The following GOLGA3 variants were observed in gnomAD, a reference collection of about 807,000 sequenced individuals.
GOLGA3 encodes golgin subfamily A member 3.
GOLGA3 carries 75 observed loss-of-function variants against 169.4 expected under a neutral mutation model. The ratio of observed to expected loss-of-function variants is 0.44; its 90% confidence interval spans 0.37 to 0.54. The LOEUF (loss-of-function observed/expected upper bound fraction) is 0.54. Among genes scored for constraint, GOLGA3 ranks in the 20% least tolerant of loss-of-function variants. GOLGA3 has a pLI of 0.00. For synonymous variants in GOLGA3, 824 were observed against 822.4 expected (o/e 1.00, Z -0.03); for missense variants, 1,899 against 1,930.0 (o/e 0.98, Z 0.30).
chr12:132,798,597 C>G, intron 8 of GOLGA3, 120 bp from the exon 9 acceptor site: 1 of 744,438 alleles, frequency 1.3e-6, no homozygotes, highest in South Asian at 1.7e-5. Context: ...GTCTCCCACG[C>G]AAGCCCCACT....
In GOLGA3 at chr12:132,773,374, G is replaced by A. The variant is rs1032788132; in HGVS notation, c.4308-80C>T. On this transcript the variant is annotated intron_variant, in intron 23 of 23. Coordinates refer to ENST00000450791, the MANE Select transcript of GOLGA3 (RefSeq NM_001389683.1). ...GCGCCACCTGTGGACAGCGTCACTC[G>A]CTAGCACCTGAGTGGACCGGGGCGC... 12 of 902,260 alleles carry A rather than the reference G, an allele frequency of 1.3e-5. No individual in the cohort carries two copies. In the African/African-American group the frequency reaches 1.7e-4, roughly 13 times the overall value. The allele number at this position is 902,260 out of a possible 1,614,324, so 55.9% of individuals were successfully genotyped here. A position where few individuals can be genotyped will look rare whatever the true frequency, so the allele number is the denominator to read the frequency against.
intron 22 of GOLGA3, chr12:132,774,828 C>T (rs1237429538): frequency 4.1e-6 from 2 of 483,210 alleles, no homozygotes; most frequent in African/African-American, 4.0e-5. Flanking sequence ...CGCCTGGGCA[C>T]AGCTCCCGGG....
intron 4 of GOLGA3, among the ~76,000 whole-genome samples, chr12:132,810,393 G>A (rs1469638805): frequency 5.3e-5 from 8 of 152,264 alleles, no homozygotes; most frequent in Middle Eastern, 3.4e-3. Context: ...GACTGAGGAC[G>A]CGAACTGTTC....
In GOLGA3 at chr12:132,773,021, G is replaced by A; in HGVS notation, c.*84C>T. The stretch of plus-strand genomic sequence containing the variant: ...AACAAAACTTAAATTTCATGTCTTA[G>A]AAAAACATCGACCACACAATCAAAT... On this transcript the variant is annotated 3_prime_UTR_variant, in exon 24 of 24. Transcript: ENST00000450791. 9.6e-7 allele frequency: 1 copy of A among 1,045,768 alleles called. No homozygotes were observed. 64.8% of individuals were successfully genotyped at this position (1,045,768 alleles called of 1,614,324 possible).
rs756041237 is a variant in GOLGA3 at position 132,801,782 on chromosome 12, C to A, written c.1785G>T (p.Glu595Asp). The A allele has an allele frequency of 6.2e-7, 1 of 1,612,366 alleles. No homozygotes were observed. Among genetic ancestry groups the A allele is most frequent in the Non-Finnish European group, 8.5e-7 (1 of 1,179,996 alleles). Residue 595 changes from glutamate to aspartate, a missense_variant, in exon 8 of 24, where the codon GAG (glutamate) becomes GAT (aspartate). By Grantham distance (45) the Glu-to-Asp change is conservative (BLOSUM62 2). Transcript: ENST00000450791. ...AQEARVRLQG[E>D]MAHIQVGQMT... ...TGGGCCGTACCTGGATGTGGGCCAT[C>A]TCACCCTGCAGCCTGACGCGGGCCT...
chr12:132,787,628 T>A (rs1593266785), intron 13 of GOLGA3, among the ~76,000 whole-genome samples: 1 of 37,818 alleles, frequency 2.6e-5, no homozygotes, highest in African/African-American at 1.3e-4. Flanking sequence ...CCGGGACCCC[T>A]CCCCGGAGAC....
chr12:132,789,284 C>T lies in GOLGA3; in HGVS notation c.2554G>A (p.Val852Met), dbSNP rs905266762. The T allele has an allele frequency of 6.3e-7, 1 of 1,591,490 alleles. No homozygotes were observed. Among genetic ancestry groups the T allele is most frequent in the South Asian group, 1.1e-5 (1 of 89,932 alleles). ...GTGGCGTCGCGCCGGTAGGCCTCCA[C>T]CATCACCTGCCAAAGACAGAGGCTG... Reference protein sequence around the residue: ...KEQFLQQKVMVEAYRRDATSK... With the variant: ...KEQFLQQKVMMEAYRRDATSK... The change falls in exon 13 of 24, where the codon GTG becomes ATG. Residue 852 changes from valine to methionine, a missense_variant. Transcript: ENST00000450791.
intron 4 of GOLGA3, among the ~76,000 whole-genome samples, chr12:132,809,119 C>G (rs1949569815): frequency 1.3e-5 from 2 of 152,186 alleles, no homozygotes; most frequent in Non-Finnish European, 2.9e-5. Flanking sequence ...GGACGGGGGC[C>G]CTTCCCTGCC....
rs138882508 is a variant in GOLGA3, at chr12:132,774,182, G to A, written c.4282C>T (p.Leu1428=). 1,196 of 1,609,814 alleles carry A rather than the reference G, an allele frequency of 7.4e-4. 1 individual carries two copies. The highest frequency in any genetic ancestry group is 9.3e-4 in the Non-Finnish European group (1,100 of 1,177,896). The change falls in exon 23 of 24, where the codon CTG becomes TTG. Residue 1428 remains leucine (L), a synonymous_variant. Coordinates refer to ENST00000450791, the MANE Select transcript of GOLGA3 (RefSeq NM_001389683.1). ...TTGAGCTGCTGGAGGCAGCTGTTCA[G>A]GTTCTTGAGGGGCTCCTTGCTCACG... ...PAVSKEPLKN[L]NSCLQQLKQE...
intron 18 of GOLGA3, among the ~76,000 whole-genome samples, chr12:132,778,811 C>T (rs2045390259): frequency 6.6e-6 from 1 of 151,106 alleles, no homozygotes; most frequent in African/African-American, 2.4e-5. Context: ...AGGAGAATCA[C>T]TTGAACCCGG....
At chr12:132,821,017 T>C (rs1228294035) in intron 2 of GOLGA3, among the ~76,000 whole-genome samples, 4 of 142,002 alleles carry the variant, frequency 2.8e-5, no homozygotes, top group Non-Finnish European at 6.0e-5. Flanking sequence ...GGAGAATCGC[T>C]TGAACCCAGG....
In GOLGA3 at chr12:132,770,660, A is replaced by T. The variant is rs2044860168; in HGVS notation, c.*2445T>A. On this transcript the variant is annotated 3_prime_UTR_variant, in exon 24 of 24. Coordinates refer to ENST00000450791, the MANE Select transcript of GOLGA3 (RefSeq NM_001389683.1). ...AATCATTTATTTATTTTTGAGACGGAGTCTCGCTCTGTTGCCCAGGCTGGA... is the reference window on the plus strand; with the variant it reads ...AATCATTTATTTATTTTTGAGACGGTGTCTCGCTCTGTTGCCCAGGCTGGA... The T allele has an allele frequency of 6.6e-6, 1 of 152,334 alleles. No individual in the cohort carries two copies. Among genetic ancestry groups the T allele is most frequent in the African/African-American group, 2.4e-5 (1 of 41,578 alleles). 9.4% of individuals were successfully genotyped at this position (152,334 alleles called of 1,614,324 possible). A position where few individuals can be genotyped will look rare whatever the true frequency, so the allele number is the denominator to read the frequency against.
At chr12:132,808,767 T>C (rs1949553579) in intron 4 of GOLGA3, among the ~76,000 whole-genome samples, 1 of 152,116 alleles carries the variant, frequency 6.6e-6, no homozygotes, top group African/African-American at 2.4e-5. Context: ...CATGACCACC[T>C]CTGGTCTAAA....
At chr12:132,778,368 G>A (rs181536962) in intron 18 of GOLGA3, among the ~76,000 whole-genome samples, 9 of 152,168 alleles carry the variant, frequency 5.9e-5, no homozygotes, top group South Asian at 2.1e-4. Context: ...AGGTCAGATC[G>A]AGACTATCCT....
intron 12 of GOLGA3, among the ~76,000 whole-genome samples, chr12:132,790,142 T>C (rs1228691756): frequency 1.3e-5 from 2 of 151,532 alleles, no homozygotes; most frequent in Admixed American, 6.6e-5. Flanking sequence ...CCATCCTGGC[T>C]AACACGGTGA....
chr12:132,780,193 CCACACCCCAGGCACACGTGCACGCA>C (rs1593239760), intron 18 of GOLGA3, among the ~76,000 whole-genome samples: 1 of 147,338 alleles, frequency 6.8e-6, no homozygotes, highest in East Asian at 2.0e-4. Flanking sequence ...TGCACACACA[CCACACCCCAGGCACACGTGCACGCA>C]CACCCCCCAT....
Position 132,821,368 on chromosome 12 carries a change from T to C in GOLGA3, c.133+628A>G, listed in dbSNP as rs200490460. 1.5e-4 allele frequency among the ~76,000 whole-genome samples: 22 copies of C among 148,196 alleles called. 1 individual carries two copies. In the East Asian group the frequency reaches 3.3e-3, roughly 22 times the overall value. On this transcript the variant is annotated intron_variant, in intron 2 of 23. Transcript: ENST00000450791. ...GTTGCAGTGAAACGAGATCTCGCCA[T>C]TGCACTCCAGCCCGGGCACCCAGAG...
chr12:132,782,540 G>A, intron 16 of GOLGA3, 47 bp from the exon 17 acceptor site: 1 of 1,409,596 alleles, frequency 7.1e-7, no homozygotes, highest in Non-Finnish European at 1.0e-6. Context: ...CTGGTGAGTG[G>A]AGTTCACATA....
chr12:132,826,582 C>G (rs1240223890), intron 1 of GOLGA3, among the ~76,000 whole-genome samples: 74 of 152,038 alleles, frequency 4.9e-4, no homozygotes, highest in Admixed American at 4.7e-3. Context: ...AAGCAGCCCA[C>G]CTCTCCAGAA....
Sources: gnomAD v4.1 joint callset for allele counts (sites outside exome capture counted in the v4.1 genomes callset) on GRCh38, gnomAD v4.1.1 for gene constraint, MANE v1.5 for transcripts, NCBI Gene and HGNC (gene_info 2026-07-23, HGNC 2026-07-21) for gene names.